Variants in FOXB2 observed in about 807,000 individuals in gnomAD.
FOXB2 encodes the protein forkhead box B2, also known as forkhead box protein B2.
In FOXB2, 1 loss-of-function variant was observed where a neutral mutation model predicts 0.9. The ratio of observed to expected loss-of-function variants is 1.09; its 90% CI spans 0.39 to 5.18. The LOEUF is 5.18. Among genes scored for constraint, FOXB2 ranks in the 30% most tolerant of loss-of-function variants. FOXB2 has a pLI of 0.16. For missense variants in FOXB2, 670 were observed against 626.6 expected, an observed-to-expected ratio of 1.07 and a Z score of -0.74; for synonymous variants, 322 against 293.5, an observed-to-expected ratio of 1.10 and a Z score of -0.99.
rs1208835815 is a variant in FOXB2 at position 77,020,464 on chromosome 9, T to C, written c.810T>C (p.Phe270=). 1.2e-6 allele frequency: 2 copies of C among 1,600,652 alleles called. No homozygotes were observed. Among genetic ancestry groups the C allele is most frequent in the Admixed American group, 1.7e-5 (1 of 59,154 alleles). ...AASTSGFKHP[F]AIENIIGRDY... is the part of the protein sequence containing the mutation. ...CCACGTCAGGCTTCAAGCACCCCTT[T>C]GCCATTGAGAACATTATTGGCCGGG... The change falls in exon 1 of 1, where the codon TTT becomes TTC. Residue 270 remains phenylalanine, a synonymous_variant. Coordinates refer to ENST00000376708, the MANE Select transcript of FOXB2 (RefSeq NM_001013735.1). The surrounding 1 kb of genome is among the most constrained non-coding windows in gnomAD (Gnocchi z 4.9).
Position 77,020,041 on chromosome 9 carries a change from CGCCGGTCCGGGA to C in FOXB2, c.389_400del (p.Ala130_Gly133del). 6.2e-7 allele frequency: 1 copy of C among 1,606,968 alleles called. No individual in the cohort carries two copies. Among genetic ancestry groups the C allele is most frequent in the Non-Finnish European group, 8.5e-7 (1 of 1,178,046 alleles). Reference sequence around the variant, plus strand: ...CGGGAAGCACCAAGAGCGCGCCGGGCGCCGGTCCGGGAGGGCACCTTCACCCCCATCACCACC... The same window carrying C: ...CGGGAAGCACCAAGAGCGCGCCGGGCGGGCACCTTCACCCCCATCACCACC... On this transcript the variant is annotated inframe_deletion, in exon 1 of 1. Transcript: ENST00000376708. The surrounding 1 kb of genome is among the most constrained non-coding windows in gnomAD (Gnocchi z 4.9).
At position 77,020,895 on chromosome 9, in the gene FOXB2, C is replaced by T. The variant is rs2063916210; in HGVS notation, c.1241C>T (p.Ala414Val). ...SPVASLLEPT[A>V]PTSAESKGGS... The stretch of plus-strand genomic sequence containing the variant: ...GTTGCCTCTCTGCTGGAGCCCACAG[C>T]CCCTACCTCGGCCGAAAGCAAGGGC... Residue 414 changes from alanine (A) to valine (V), a missense_variant, in exon 1 of 1, where the codon GCC becomes GTC. By Grantham distance (64) the Ala-to-Val change is moderately conservative. Coordinates refer to ENST00000376708, the MANE Select transcript of FOXB2 (RefSeq NM_001013735.1). This position sits in a 1 kb window ranked among gnomAD's most constrained non-coding sequence, Gnocchi z 4.9. The T allele has an allele frequency of 2.6e-6, 4 of 1,564,200 alleles. No individual in the cohort carries two copies. Among genetic ancestry groups the T allele is most frequent in the South Asian group, 1.2e-5 (1 of 86,282 alleles).
Position 77,020,623 on chromosome 9 carries a change from G to T in FOXB2, c.969G>T (p.Val323=), listed in dbSNP as rs1564571854. The change falls in exon 1 of 1, where the codon GTG becomes GTT. Residue 323 remains valine, a synonymous_variant. Transcript: ENST00000376708. This position sits in a 1 kb window ranked among gnomAD's most constrained non-coding sequence, Gnocchi z 4.9. ...CGCACGTTGGCGTCATGGATTCGGT[G>T]GCCGCCGCCGCGGCCGCCGCAGCCG... is the stretch of plus-strand genomic sequence containing the variant. The part of the protein sequence containing the change: ...VWPHVGVMDS[V]AAAAAAAAAA... The T allele has an allele frequency of 1.9e-6, 3 of 1,596,282 alleles. No homozygotes were observed. In the South Asian group the frequency reaches 3.3e-5, roughly 18 times the overall value.
Position 77,020,322 on chromosome 9 carries a change from TGGCGGCGGCGGCGGCGGCGGCCGC to T in FOXB2, c.672_695del (p.Ala227_Ala234del), listed in dbSNP as rs767918291. The T allele has an allele frequency of 4.9e-5, 52 of 1,069,178 alleles. 16 individuals carry two copies. In the South Asian group the frequency reaches 1.6e-3, roughly 33 times the overall value. The allele number at this position is 1,069,178 out of a possible 1,614,324, so 66.2% of individuals were successfully genotyped here. On this transcript the variant is annotated inframe_deletion, in exon 1 of 1. Transcript: ENST00000376708. This position sits in a 1 kb window ranked among gnomAD's most constrained non-coding sequence, Gnocchi z 4.9. ...GGCAAGATGCAGGAGGCGGCGGCCGTGGCGGCGGCGGCGGCGGCGGCCGCGGCAGCCGCGGTGGGCAGCGTGGGA... is the reference window on the plus strand; with the variant it reads ...GGCAAGATGCAGGAGGCGGCGGCCGTGGCAGCCGCGGTGGGCAGCGTGGGA...
rs1268219952 is a variant in FOXB2 at position 77,020,664 on chromosome 9, T to C, written c.1010T>C (p.Val337Ala). 7 of 1,603,832 alleles carry C rather than the reference T, an allele frequency of 4.4e-6. No individual in the cohort carries two copies. Among genetic ancestry groups the C allele is most frequent in the Non-Finnish European group, 5.1e-6 (6 of 1,176,472 alleles). ...AAAAAAAGVP[V>A]GPEYGAFGVP... ...GCCGCAGCCGCAGCCGGAGTCCCTG[T>C]AGGCCCGGAGTATGGGGCCTTCGGG... The change falls in exon 1 of 1, where the codon GTA becomes GCA. Residue 337 changes from valine (V) to alanine (A), a missense_variant. Physicochemically the swap from Val to Ala is moderately conservative, Grantham distance 64 (BLOSUM62 0). Coordinates refer to ENST00000376708, the MANE Select transcript of FOXB2 (RefSeq NM_001013735.1). This position sits in a 1 kb window ranked among gnomAD's most constrained non-coding sequence, Gnocchi z 4.9.
chr9:77,020,931 A>T lies in FOXB2; in HGVS notation c.1277A>T (p.His426Leu). Residue 426 changes from histidine to leucine, a missense_variant, in exon 1 of 1, where the codon CAC becomes CTC. Physicochemically the swap from His to Leu is moderately conservative, Grantham distance 99. Transcript: ENST00000376708. This position sits in a 1 kb window ranked among gnomAD's most constrained non-coding sequence, Gnocchi z 4.9. ...GCCGAAAGCAAGGGCGGCTCCTTGC[A>T]CTCGGTGCTAGTGCACTCCTAGGGG... is the stretch of plus-strand genomic sequence containing the variant. ...TSAESKGGSL[H>L]SVLVHS The T allele has an allele frequency of 6.3e-7, 1 of 1,576,774 alleles. No homozygotes were observed. The highest frequency in any genetic ancestry group is 8.5e-7 in the Non-Finnish European group (1 of 1,169,746).
In FOXB2 at chr9:77,020,430, C is replaced by T. The variant is rs1461013632; in HGVS notation, c.776C>T (p.Ala259Val). ...TCGGCCGCCGCCGCTGCCGCCGCGG[C>T]CGCGGCGTCCACGTCAGGCTTCAAG... ...LGSAAAAAAA[A>V]AASTSGFKHP... Residue 259 changes from alanine to valine, a missense_variant, in exon 1 of 1, where the codon GCC becomes GTC. Transcript: ENST00000376708. The surrounding 1 kb of genome is among the most constrained non-coding windows in gnomAD (Gnocchi z 4.9). 19 of 1,589,250 alleles carry T rather than the reference C, an allele frequency of 1.2e-5. No individual in the cohort carries two copies. Among genetic ancestry groups the T allele is most frequent in the Non-Finnish European group, 1.5e-5 (18 of 1,170,212 alleles).
chr9:77,020,050 G>C lies in FOXB2; in HGVS notation c.396G>C (p.Pro132=), dbSNP rs372216963. Residue 132 remains proline, a synonymous_variant, in exon 1 of 1, where the codon CCG becomes CCC. Coordinates refer to ENST00000376708, the MANE Select transcript of FOXB2 (RefSeq NM_001013735.1). This position sits in a 1 kb window ranked among gnomAD's most constrained non-coding sequence, Gnocchi z 4.9. ...GSTKSAPGAG[P]GGHLHPHHHH... ...CCAAGAGCGCGCCGGGCGCCGGTCC[G>C]GGAGGGCACCTTCACCCCCATCACC... 12 of 1,601,840 alleles carry C rather than the reference G, an allele frequency of 7.5e-6. No individual in the cohort carries two copies. Among genetic ancestry groups the C allele is most frequent in the South Asian group, 5.6e-5 (5 of 89,880 alleles).
In FOXB2 at chr9:77,019,886, C is replaced by A. The variant is rs761676772; in HGVS notation, c.232C>A (p.Pro78Thr). ...CTGCTTCATCAAGATTCCGCGGAGG[C>A]CCGACCAGCCTGGCAAGGGTAGCTT... ...NDCFIKIPRR[P>T]DQPGKGSFWA... is the part of the protein sequence containing the mutation. The change falls in exon 1 of 1, where the codon CCC (proline) becomes ACC (threonine). Residue 78 changes from proline to threonine, a missense_variant. Transcript: ENST00000376708. This position sits in a 1 kb window ranked among gnomAD's most constrained non-coding sequence, Gnocchi z 4.4. The A allele has an allele frequency of 1.7e-5, 27 of 1,613,816 alleles. No homozygotes were observed. The highest frequency in any genetic ancestry group is 1.9e-5 in the Non-Finnish European group (22 of 1,180,040).
rs771352895 is a variant in FOXB2, at chr9:77,020,458, C to T, written c.804C>T (p.His268=). The change falls in exon 1 of 1, where the codon CAC becomes CAT. Residue 268 remains histidine, a synonymous_variant. Coordinates refer to ENST00000376708, the MANE Select transcript of FOXB2 (RefSeq NM_001013735.1). The surrounding 1 kb of genome is among the most constrained non-coding windows in gnomAD (Gnocchi z 4.9). ...AAAASTSGFK[H]PFAIENIIGR... ...CGGCGTCCACGTCAGGCTTCAAGCA[C>T]CCCTTTGCCATTGAGAACATTATTG... 1.0e-5 allele frequency: 16 copies of T among 1,602,342 alleles called. No individual in the cohort carries two copies. The East Asian group carries it at 2.1e-4, about 21-fold the overall frequency.
rs762259765 is a variant in FOXB2, at chr9:77,020,230, G to C, written c.576G>C (p.Pro192=). The part of the protein sequence containing the change: ...QQPPTAPQPP[P]HLPSQPPQQP... ...CGCCTACTGCTCCGCAGCCGCCTCC[G>C]CACCTCCCGTCACAGCCCCCGCAGC... is the stretch of plus-strand genomic sequence containing the variant. The change falls in exon 1 of 1, where the codon CCG becomes CCC. Residue 192 remains proline (P), a synonymous_variant. Transcript: ENST00000376708. This position sits in a 1 kb window ranked among gnomAD's most constrained non-coding sequence, Gnocchi z 4.9. The C allele has an allele frequency of 2.5e-6, 3 of 1,197,216 alleles. No homozygotes were observed. The Admixed American group carries it at 5.1e-5, about 20-fold the overall frequency. The allele number at this position is 1,197,216 out of a possible 1,614,324, so 74.2% of individuals were successfully genotyped here. A position where few individuals can be genotyped will look rare whatever the true frequency, so the allele number is the denominator to read the frequency against.
Position 77,020,938 on chromosome 9 carries a change from G to A in FOXB2, c.1284G>A (p.Val428=). ...GCAAGGGCGGCTCCTTGCACTCGGT[G>A]CTAGTGCACTCCTAGGGGACCCGGC... The part of the protein sequence containing the change: ...AESKGGSLHS[V]LVHS The change falls in exon 1 of 1, where the codon GTG becomes GTA. Residue 428 remains valine, a synonymous_variant. Coordinates refer to ENST00000376708, the MANE Select transcript of FOXB2 (RefSeq NM_001013735.1). The surrounding 1 kb of genome is among the most constrained non-coding windows in gnomAD (Gnocchi z 4.9). 6.4e-7 allele frequency: 1 copy of A among 1,574,612 alleles called. No homozygotes were observed. The highest frequency in any genetic ancestry group is 8.6e-7 in the Non-Finnish European group (1 of 1,168,766).
In FOXB2 at chr9:77,019,956, G is replaced by C; in HGVS notation, c.302G>C (p.Ser101Thr). ...TGCGGGGACATGTTCGAGAACGGCA[G>C]CTTCCTGCGGCGTCGCAAGCGCTTC... ...PDCGDMFENG[S>T]FLRRRKRFKV... Residue 101 changes from serine to threonine, a missense_variant, in exon 1 of 1, where the codon AGC becomes ACC. Transcript: ENST00000376708. This position sits in a 1 kb window ranked among gnomAD's most constrained non-coding sequence, Gnocchi z 4.4. 1 of 1,613,098 alleles carries C rather than the reference G, an allele frequency of 6.2e-7. No homozygotes were observed. The highest frequency in any genetic ancestry group is 8.5e-7 in the Non-Finnish European group (1 of 1,180,012).
At position 77,019,909 on chromosome 9, in the gene FOXB2, C is replaced by T. The variant is rs755342054; in HGVS notation, c.255C>T (p.Ser85=). 1.9e-6 allele frequency: 3 copies of T among 1,613,668 alleles called. No homozygotes were observed. Among genetic ancestry groups the T allele is most frequent in the Non-Finnish European group, 2.5e-6 (3 of 1,180,024 alleles). ...GGCCCGACCAGCCTGGCAAGGGTAG[C>T]TTCTGGGCGCTGCACCCCGACTGCG... ...PRRPDQPGKG[S]FWALHPDCGD... The change falls in exon 1 of 1, where the codon AGC becomes AGT. Residue 85 remains serine (S), a synonymous_variant. Coordinates refer to ENST00000376708, the MANE Select transcript of FOXB2 (RefSeq NM_001013735.1). This position sits in a 1 kb window ranked among gnomAD's most constrained non-coding sequence, Gnocchi z 4.4.
chr9:77,020,149 G>A lies in FOXB2; in HGVS notation c.495G>A (p.Pro165=). The change falls in exon 1 of 1, where the codon CCG becomes CCA. Residue 165 remains proline, a synonymous_variant. Coordinates refer to ENST00000376708, the MANE Select transcript of FOXB2 (RefSeq NM_001013735.1). The surrounding 1 kb of genome is among the most constrained non-coding windows in gnomAD (Gnocchi z 4.9). ...ACCATCACCACCACCCACCCCAGCC[G>A]CCGCCGCCGCCGCCCCCGCCGCCGC... ...HHHHHHHPPQ[P]PPPPPPPPPH... is the part of the protein sequence containing the mutation. The A allele has an allele frequency of 1.5e-6, 2 of 1,313,426 alleles. No homozygotes were observed. The highest frequency in any genetic ancestry group is 2.1e-6 in the Non-Finnish European group (2 of 939,270). The allele number at this position is 1,313,426 out of a possible 1,614,324, so 81.4% of individuals were successfully genotyped here.
At position 77,019,902 on chromosome 9, in the gene FOXB2, AG is replaced by A; in HGVS notation, c.251del (p.Gly84ValfsTer254). 6.2e-7 allele frequency: 1 copy of A among 1,613,788 alleles called. No individual in the cohort carries two copies. The highest frequency in any genetic ancestry group is 8.5e-7 in the Non-Finnish European group (1 of 1,180,010). ...KIPRRPDQPG[K>X]GSFWALHPDC... Reference sequence around the variant, plus strand: ...CCGCGGAGGCCCGACCAGCCTGGCAAGGGTAGCTTCTGGGCGCTGCACCCCG... The same window carrying A: ...CCGCGGAGGCCCGACCAGCCTGGCAAGGTAGCTTCTGGGCGCTGCACCCCG... On this transcript the variant is annotated frameshift_variant, in exon 1 of 1. Transcript: ENST00000376708. LOFTEE classifies it low-confidence loss of function (END_TRUNC). The surrounding 1 kb of genome is among the most constrained non-coding windows in gnomAD (Gnocchi z 4.4).
At position 77,020,414 on chromosome 9, in the gene FOXB2, G is replaced by T. The variant is rs1249543698; in HGVS notation, c.760G>T (p.Ala254Ser). 6.3e-7 allele frequency: 1 copy of T among 1,578,784 alleles called. No homozygotes were observed. Among genetic ancestry groups the T allele is most frequent in the Middle Eastern group, 1.7e-4 (1 of 5,858 alleles). The change falls in exon 1 of 1, where the codon GCC (alanine) becomes TCC (serine). Residue 254 changes from alanine (A) to serine (S), a missense_variant. By Grantham distance (99) the Ala-to-Ser change is moderately conservative. Transcript: ENST00000376708. The surrounding 1 kb of genome is among the most constrained non-coding windows in gnomAD (Gnocchi z 4.9). The part of the protein sequence containing the change: ...FPPYGLGSAA[A>S]AAAAAAASTS... ...ACCCTACGGGCTGGGCTCGGCCGCC[G>T]CCGCTGCCGCCGCGGCCGCGGCGTC...
At position 77,020,578 on chromosome 9, in the gene FOXB2, C is replaced by T; in HGVS notation, c.924C>T (p.Asn308=). The T allele has an allele frequency of 1.2e-6, 2 of 1,610,314 alleles. No individual in the cohort carries two copies. Residue 308 remains asparagine, a synonymous_variant, in exon 1 of 1, where the codon AAC becomes AAT. Coordinates refer to ENST00000376708, the MANE Select transcript of FOXB2 (RefSeq NM_001013735.1). The surrounding 1 kb of genome is among the most constrained non-coding windows in gnomAD (Gnocchi z 4.9). ...LGYPVPGQLG[N]VVSSVWPHVG... is the part of the protein sequence containing the mutation. Reference sequence around the variant, plus strand: ...ACCCCGTGCCCGGCCAGCTTGGCAACGTCGTCAGCTCCGTGTGGCCGCACG... The same window carrying T: ...ACCCCGTGCCCGGCCAGCTTGGCAATGTCGTCAGCTCCGTGTGGCCGCACG...
At position 77,020,784 on chromosome 9, in the gene FOXB2, C is replaced by T. The variant is rs781549912; in HGVS notation, c.1130C>T (p.Ala377Val). Residue 377 changes from alanine to valine, a missense_variant, in exon 1 of 1, where the codon GCG becomes GTG. Coordinates refer to ENST00000376708, the MANE Select transcript of FOXB2 (RefSeq NM_001013735.1). This position sits in a 1 kb window ranked among gnomAD's most constrained non-coding sequence, Gnocchi z 4.9. ...KPTPALPPVS[A>V]LQPGLTVPAA... is the part of the protein sequence containing the mutation. ...ACGCCTGCGCTGCCGCCCGTGTCCGCGCTGCAGCCGGGGCTCACTGTCCCC... is the reference window on the plus strand; with the variant it reads ...ACGCCTGCGCTGCCGCCCGTGTCCGTGCTGCAGCCGGGGCTCACTGTCCCC... 5 of 1,574,430 alleles carry T rather than the reference C, an allele frequency of 3.2e-6. No homozygotes were observed. Among genetic ancestry groups the T allele is most frequent in the Non-Finnish European group, 3.4e-6 (4 of 1,165,894 alleles).
Sources: gnomAD v4.1 joint callset for allele counts on GRCh38, gnomAD v4.1.1 for gene constraint, Gnocchi (gnomAD v3.1) non-coding constraint, MANE v1.5 for transcripts, NCBI Gene and HGNC (gene_info 2026-07-23, HGNC 2026-07-21) for gene names.